Variants in WWOX observed in about 807,000 individuals in gnomAD.
WWOX encodes the protein WW domain containing oxidoreductase.
A neutral mutation model predicts 46.2 loss-of-function variants in WWOX; 69 were observed. The observed-to-expected ratio is 1.49, with a 90% confidence interval of 1.23 to 1.82. The LOEUF (loss-of-function observed/expected upper bound fraction) is 1.82. Ranked by LOEUF, WWOX falls within the 40% of genes most tolerant of loss-of-function variation. The pLI is 0.00. For synonymous variants in WWOX, 359 were observed against 202.6 expected (o/e 1.77, Z -6.56); for missense variants, 919 against 542.6 (o/e 1.69, Z -6.89).
At chr16:78,863,088 AG>A (rs2043926690) in intron 8 of WWOX, among the ~76,000 whole-genome samples, 1 of 151,330 alleles carries the variant, frequency 6.6e-6, no homozygotes, top group Non-Finnish European at 1.5e-5. Flanking sequence ...CCTCCCAAGT[AG>A]GTGGGATTAC....
chr16:78,438,059 T>A (rs926078730), intron 8 of WWOX, among the ~76,000 whole-genome samples: 1 of 152,212 alleles, frequency 6.6e-6, no homozygotes, highest in Non-Finnish European at 1.5e-5. Flanking sequence ...CTTGGGTTTT[T>A]GCAGTTGTAA....
intron 8 of WWOX, among the ~76,000 whole-genome samples, chr16:78,719,172 C>T (rs886432828): frequency 1.3e-5 from 2 of 152,154 alleles, no homozygotes; most frequent in African/African-American, 4.8e-5. Context: ...TTCCCAAAGC[C>T]TGTTTTCTTG....
intron 8 of WWOX, among the ~76,000 whole-genome samples, chr16:78,594,912 A>C (rs2045450749): frequency 6.6e-6 from 1 of 152,214 alleles, no homozygotes; most frequent in Admixed American, 6.5e-5. Flanking sequence ...AAGAATTATA[A>C]TTAAGAGAAC....
intron 8 of WWOX, among the ~76,000 whole-genome samples, chr16:79,191,674 C>G (rs2051139593): frequency 6.6e-6 from 1 of 152,118 alleles, no homozygotes; most frequent in Admixed American, 6.5e-5. Context: ...TAGAGAAGCA[C>G]CAAATAGGCC....
chr16:78,807,422 A>T (rs2051071450), intron 8 of WWOX, among the ~76,000 whole-genome samples: 1 of 152,232 alleles, frequency 6.6e-6, no homozygotes, highest in Non-Finnish European at 1.5e-5. Flanking sequence ...ATGTTTTATG[A>T]TTGTTTTAAG....
At chr16:79,115,419 G>A (rs1187327300) in intron 8 of WWOX, among the ~76,000 whole-genome samples, 1 of 149,892 alleles carries the variant, frequency 6.7e-6, no homozygotes, top group African/African-American at 2.5e-5. Flanking sequence ...TGAACAGGAA[G>A]CCCAGAGTGA....
chr16:79,044,522 C>T (rs1013661401), intron 8 of WWOX, among the ~76,000 whole-genome samples: 1 of 152,204 alleles, frequency 6.6e-6, no homozygotes, highest in African/African-American at 2.4e-5. Context: ...GGCCACATGA[C>T]GTGCCTGCTC....
chr16:79,208,835 G>C (rs553070861), intron 8 of WWOX, among the ~76,000 whole-genome samples: 6 of 152,230 alleles, frequency 3.9e-5, no homozygotes, highest in Admixed American at 1.3e-4. Flanking sequence ...CCATTGGTAC[G>C]GCTGAAAATT....
Position 78,437,464 on chromosome 16 carries a change from T to C in WWOX, c.1056+4712T>C, listed in dbSNP as rs116859507. 1.2e-4 allele frequency among the ~76,000 whole-genome samples: 19 copies of C among 152,346 alleles called. No individual in the cohort carries two copies. In the East Asian group the frequency reaches 3.5e-3, roughly 28 times the overall value. On this transcript the variant is annotated intron_variant, in intron 8 of 8. Coordinates refer to ENST00000566780, the MANE Select transcript of WWOX (RefSeq NM_016373.4). ...AATGCATTATCACTTTGAAATTAAT[T>C]AATTTTTCCATTTTGGCTGCCTGCA...
At chr16:78,439,614 C>A (rs1010972972) in intron 8 of WWOX, among the ~76,000 whole-genome samples, 1 of 152,110 alleles carries the variant, frequency 6.6e-6, no homozygotes, top group Admixed American at 6.5e-5. Context: ...GCCTCTACTC[C>A]CTTTTAGTTA....
At chr16:78,761,537 G>A (rs1460119950) in intron 8 of WWOX, among the ~76,000 whole-genome samples, 7 of 152,098 alleles carry the variant, frequency 4.6e-5, no homozygotes, top group Admixed American at 3.9e-4. Flanking sequence ...TACCCTGATA[G>A]TTTCCCTGTG....
intron 8 of WWOX, chr16:78,994,332 CAT>C (rs1049230521): frequency 1.1e-4 from 16 of 152,044 alleles, no homozygotes; most frequent in African/African-American, 3.6e-4. Flanking sequence ...GGAAGTGCCT[CAT>C]GTGAAAAAGG....
intron 5 of WWOX, among the ~76,000 whole-genome samples, chr16:78,386,501 G>C (rs1267394605): frequency 6.6e-6 from 1 of 152,152 alleles, no homozygotes; most frequent in African/African-American, 2.4e-5. Context: ...ATCTTTCCAT[G>C]ATCGAGGCGT....
intron 6 of WWOX, among the ~76,000 whole-genome samples, chr16:78,390,906 T>C (rs1311803395): frequency 6.6e-6 from 1 of 152,232 alleles, no homozygotes; most frequent in Non-Finnish European, 1.5e-5. Context: ...GATGCTCTTA[T>C]TTAATATGCC....
At chr16:78,446,628 T>G (rs1194521683) in intron 8 of WWOX, among the ~76,000 whole-genome samples, 1 of 151,104 alleles carries the variant, frequency 6.6e-6, no homozygotes, top group Non-Finnish European at 1.5e-5. Context: ...TACTATTTGG[T>G]GAACATCGAG....
intron 8 of WWOX, among the ~76,000 whole-genome samples, chr16:78,833,857 C>T (rs868044289): frequency 3.9e-5 from 6 of 152,232 alleles, no homozygotes; most frequent in Admixed American, 6.5e-5. Context: ...CTGGCTCATG[C>T]GTTTCATGCC....
At chr16:78,905,427 C>T (rs1177669470) in intron 8 of WWOX, among the ~76,000 whole-genome samples, 3 of 152,202 alleles carry the variant, frequency 2.0e-5, no homozygotes, top group South Asian at 4.1e-4. Flanking sequence ...GTCAGCCAGG[C>T]TGGAGTGCAA....
intron 5 of WWOX, among the ~76,000 whole-genome samples, chr16:78,257,604 G>T (rs78612110): frequency 6.6e-6 from 1 of 152,008 alleles, no homozygotes; most frequent in South Asian, 2.1e-4. Flanking sequence ...CTGCAACCAC[G>T]CAATTAAAAC....
chr16:78,460,528 G>C (rs999746201), intron 8 of WWOX, among the ~76,000 whole-genome samples: 1 of 152,142 alleles, frequency 6.6e-6, no homozygotes, highest in Non-Finnish European at 1.5e-5. Flanking sequence ...AACCCTGAAT[G>C]TGACTGATAC....
Sources: allele counts gnomAD v4.1 joint callset (sites outside exome capture counted in the v4.1 genomes callset), GRCh38; gene constraint gnomAD v4.1.1; transcripts MANE v1.5; gene names NCBI Gene and HGNC (gene_info 2026-07-23, HGNC 2026-07-21).